The following LINGO2 variants were observed in gnomAD, a reference collection of about 807,000 sequenced individuals.
LINGO2 encodes the protein leucine rich repeat and Ig domain containing 2, also known as leucine-rich repeat and immunoglobulin-like domain-containing nogo receptor-interacting protein 2.
LINGO2 carries 14 observed loss-of-function variants against 30.6 expected under a neutral mutation model. The ratio of observed to expected loss-of-function variants is 0.46; its 90% CI spans 0.30 to 0.72. LINGO2 has a LOEUF of 0.72. Among genes scored for constraint, LINGO2 ranks in the 30% least tolerant of loss-of-function variants. The pLI is 0.07. For missense variants in LINGO2, 729 were observed against 751.7 expected, an observed-to-expected ratio of 0.97 and a Z score of 0.35; for synonymous variants, 317 against 288.5, an observed-to-expected ratio of 1.10 and a Z score of -1.00.
the LINGO2 span, among the ~76,000 whole-genome samples, chr9:28,701,932 T>C: frequency 1.3e-5 from 2 of 152,072 alleles, no homozygotes; most frequent in South Asian, 4.1e-4. Flanking sequence ...AAAATGCACT[T>C]CTTTAATGCT....
intron 4 of LINGO2, among the ~76,000 whole-genome samples, chr9:28,252,428 T>C (rs974332296): frequency 1.3e-5 from 2 of 152,086 alleles, no homozygotes; most frequent in South Asian, 2.1e-4. Flanking sequence ...GGTTTTGCCA[T>C]GTTGGCCAGG....
At chr9:28,891,293 T>C in the LINGO2 span, among the ~76,000 whole-genome samples, 4 of 152,000 alleles carry the variant, frequency 2.6e-5, no homozygotes, top group African/African-American at 4.8e-5. Flanking sequence ...CTCTGGGACT[T>C]AGTTTTCTCA....
chr9:28,933,396 G>A, the LINGO2 span, among the ~76,000 whole-genome samples: 3 of 152,248 alleles, frequency 2.0e-5, no homozygotes, highest in Admixed American at 6.5e-5. Flanking sequence ...TCCGCCAATC[G>A]CATAAGAACT....
At chr9:27,977,656 A>G (rs1319826592) in intron 5 of LINGO2, among the ~76,000 whole-genome samples, 3 of 151,890 alleles carry the variant, frequency 2.0e-5, no homozygotes, top group Non-Finnish European at 4.4e-5. Flanking sequence ...CATGTTAAAT[A>G]TTTTACTACT....
At chr9:28,391,150 T>A (rs978284352) in intron 2 of LINGO2, among the ~76,000 whole-genome samples, 1 of 152,196 alleles carries the variant, frequency 6.6e-6, no homozygotes, top group African/African-American at 2.4e-5. Context: ...TACTATATAA[T>A]GTATTATAAT....
At chr9:29,006,630 T>C in the LINGO2 span, among the ~76,000 whole-genome samples, 1 of 152,182 alleles carries the variant, frequency 6.6e-6, no homozygotes, top group South Asian at 2.1e-4. Flanking sequence ...ATTTCAGTTG[T>C]TTTCCTTTTT....
the LINGO2 span, among the ~76,000 whole-genome samples, chr9:28,847,893 TGTATA>T: frequency 7.9e-6 from 1 of 126,090 alleles, no homozygotes; most frequent in Admixed American, 8.4e-5. Flanking sequence ...TACACATATA[TGTATA>T]GTATATATAT....
chr9:28,820,054 G>A, the LINGO2 span, among the ~76,000 whole-genome samples: 1 of 152,058 alleles, frequency 6.6e-6, no homozygotes, highest in Non-Finnish European at 1.5e-5. Context: ...ATATGTACAG[G>A]GACCATGTTG....
the LINGO2 span, among the ~76,000 whole-genome samples, chr9:29,212,095 G>A: frequency 1.3e-5 from 2 of 152,166 alleles, no homozygotes; most frequent in Non-Finnish European, 2.9e-5. Context: ...ATTACCTCCC[G>A]GGGCTGCCCT....
At chr9:28,384,114 ATAGT>A (rs148801961) in intron 2 of LINGO2, among the ~76,000 whole-genome samples, 2,023 of 151,962 alleles carry the variant, frequency 0.013, 39 homozygotes, top group African/African-American at 0.046. Flanking sequence ...CTCTATCATA[ATAGT>A]TATTTATTTT....
chr9:28,062,904 A>G (rs1825200561), intron 4 of LINGO2, among the ~76,000 whole-genome samples: 1 of 151,060 alleles, frequency 6.6e-6, no homozygotes, highest in South Asian at 2.1e-4. Context: ...TCCACCACCA[A>G]CCCCCAGCTG....
chr9:28,464,276 T>C (rs1264296202), intron 2 of LINGO2, among the ~76,000 whole-genome samples: 2 of 152,226 alleles, frequency 1.3e-5, no homozygotes. Flanking sequence ...TCTCCCTGTT[T>C]ATCTGCCAAG....
intron 2 of LINGO2, among the ~76,000 whole-genome samples, chr9:28,376,948 C>A (rs541067467): frequency 6.7e-6 from 1 of 150,336 alleles, no homozygotes; most frequent in Admixed American, 6.6e-5. Context: ...GCCTGTAAGT[C>A]ATCATTCTTC....
At chr9:28,124,207 A>C (rs1343981509) in intron 4 of LINGO2, among the ~76,000 whole-genome samples, 2 of 152,170 alleles carry the variant, frequency 1.3e-5, no homozygotes, top group Non-Finnish European at 2.9e-5. Context: ...AACCCTGCTC[A>C]CAGTTTAGAG....
the LINGO2 span, chr9:28,888,844 G>A: frequency 1.9e-6 from 1 of 532,252 alleles, no homozygotes. Context: ...ATAAAATGTT[G>A]TCCATTGCAA....
chr9:28,897,980 G>T, the LINGO2 span, among the ~76,000 whole-genome samples: 4 of 152,004 alleles, frequency 2.6e-5, no homozygotes, highest in Non-Finnish European at 5.9e-5. Flanking sequence ...TTCATCATTA[G>T]AAATATTCAG....
chr9:28,428,343 G>T (rs1823497680), intron 2 of LINGO2, among the ~76,000 whole-genome samples: 2 of 152,104 alleles, frequency 1.3e-5, no homozygotes, highest in South Asian at 4.1e-4. Context: ...AATAAGCAAA[G>T]GAGGAAAGGG....
chr9:28,959,879 T>C, the LINGO2 span, among the ~76,000 whole-genome samples: 2 of 152,150 alleles, frequency 1.3e-5, no homozygotes, highest in Non-Finnish European at 2.9e-5. Flanking sequence ...GCTGCAATTA[T>C]GTGGTAGCAA....
chr9:29,195,053 T>C, the LINGO2 span, among the ~76,000 whole-genome samples: 1 of 149,922 alleles, frequency 6.7e-6, no homozygotes, highest in Non-Finnish European at 1.5e-5. Flanking sequence ...CCAAACTTTG[T>C]CAAGCACTAA....
Sources: gnomAD v4.1 joint callset for allele counts (sites outside exome capture counted in the v4.1 genomes callset) on GRCh38, gnomAD v4.1.1 for gene constraint, MANE v1.5 for transcripts, NCBI Gene and HGNC (gene_info 2026-07-23, HGNC 2026-07-21) for gene names.